SNTG1: variants seen among roughly 807,000 people sequenced by gnomAD.
The protein encoded by SNTG1 is syntrophin gamma 1, also known as gamma-1-syntrophin.
SNTG1 carries 39 observed loss-of-function variants against 74.7 expected under a neutral mutation model. That is an observed-to-expected ratio of 0.52 (90% CI 0.40 to 0.68). SNTG1 has a LOEUF of 0.68. Among genes scored for constraint, SNTG1 ranks in the 30% least tolerant of loss-of-function variants. SNTG1 has a pLI of 0.00. For synonymous variants in SNTG1, 254 were observed against 217.1 expected, an observed-to-expected ratio of 1.17 and a Z score of -1.49; for missense variants, 685 against 609.5, an observed-to-expected ratio of 1.12 and a Z score of -1.30.
intron 18 of SNTG1, among the ~76,000 whole-genome samples, chr8:50,788,100 G>C (rs549433325): frequency 1.3e-5 from 2 of 152,110 alleles, no homozygotes; most frequent in South Asian, 4.1e-4. Flanking sequence ...AAGTAAATCT[G>C]ACCATAATGG....
intron 9 of SNTG1, among the ~76,000 whole-genome samples, chr8:50,507,539 T>C (rs2094018175): frequency 9.2e-5 from 14 of 152,146 alleles, no homozygotes; most frequent in Admixed American, 9.2e-4. Flanking sequence ...TGTTTCTTCA[T>C]AATTGATTGT....
At chr8:50,555,589 A>G (rs2094451372) in intron 12 of SNTG1, among the ~76,000 whole-genome samples, 1 of 152,158 alleles carries the variant, frequency 6.6e-6, no homozygotes, top group Non-Finnish European at 1.5e-5. Context: ...ACCTTATGGA[A>G]AGATGTAGAC....
At chr8:50,036,283 C>T (rs770623361) in intron 1 of SNTG1, among the ~76,000 whole-genome samples, 26 of 152,196 alleles carry the variant, frequency 1.7e-4, no homozygotes, top group Non-Finnish European at 2.6e-4. Flanking sequence ...ACTATGACGT[C>T]TCTATGCAGC....
At chr8:50,434,550 G>A (rs2093279998) in intron 4 of SNTG1, among the ~76,000 whole-genome samples, 1 of 152,108 alleles carries the variant, frequency 6.6e-6, no homozygotes, top group Admixed American at 6.5e-5. Flanking sequence ...TCCAGCACCT[G>A]TTGTTTCCTG....
chr8:50,314,141 A>G lies in SNTG1; in HGVS notation c.-27-80071A>G, dbSNP rs79731984. 9.4e-3 allele frequency among the ~76,000 whole-genome samples: 1,404 copies of G among 149,768 alleles called. 144 individuals carry two copies. The highest frequency in any genetic ancestry group is 0.033 in the African/African-American group (1,330 of 40,186). On this transcript the variant is annotated intron_variant, in intron 2 of 18. Coordinates refer to ENST00000642720, the MANE Select transcript of SNTG1 (RefSeq NM_018967.5). ...TCCCCTCTAGGCCCCTTCAGTGGAC[A>G]GTTACTTATTAAAACTGAGGTGAGC... is the stretch of plus-strand genomic sequence containing the variant.
chr8:50,585,104 G>A (rs1440350690), intron 12 of SNTG1, among the ~76,000 whole-genome samples: 1 of 152,172 alleles, frequency 6.6e-6, no homozygotes, highest in Non-Finnish European at 1.5e-5. Flanking sequence ...AAGACCGTAT[G>A]CTTTGGCAGC....
At chr8:50,396,052 T>C (rs1411664323) in intron 3 of SNTG1, among the ~76,000 whole-genome samples, 1 of 152,232 alleles carries the variant, frequency 6.6e-6, no homozygotes, top group Non-Finnish European at 1.5e-5. Flanking sequence ...GAGCTTTTTG[T>C]AAACAAAATT....
chr8:50,397,332 AT>A (rs1274725020), intron 3 of SNTG1, among the ~76,000 whole-genome samples: 1 of 152,216 alleles, frequency 6.6e-6, no homozygotes, highest in Admixed American at 6.5e-5. Flanking sequence ...TTTGAGACCA[AT>A]AATTATGTAG....
chr8:50,070,763 T>C (rs577853737), intron 1 of SNTG1, among the ~76,000 whole-genome samples: 1 of 152,330 alleles, frequency 6.6e-6, no homozygotes, highest in South Asian at 2.1e-4. Flanking sequence ...TTTTATTTTA[T>C]CCAATCAATG....
chr8:50,316,914 T>C lies in SNTG1; in HGVS notation c.-27-77298T>C, dbSNP rs1342812602. Among the ~76,000 whole-genome samples the C allele has an allele frequency of 1.3e-5, 2 of 152,178 alleles. 1 individual carries two copies. The highest frequency in any genetic ancestry group is 1.3e-4 in the Admixed American group (2 of 15,282). On this transcript the variant is annotated intron_variant, in intron 2 of 18. Transcript: ENST00000642720. Reference sequence around the variant, plus strand: ...TGTTTAAAAAAATTTATAGAGATAGTACTTAATCTGCATTTTGAAGATAAA... The same window carrying C: ...TGTTTAAAAAAATTTATAGAGATAGCACTTAATCTGCATTTTGAAGATAAA...
chr8:50,314,943 T>C (rs1288436840), intron 2 of SNTG1, among the ~76,000 whole-genome samples: 4 of 149,542 alleles, frequency 2.7e-5, no homozygotes. Context: ...GTTACAGTTT[T>C]TACGCCCCTT....
intron 1 of SNTG1, among the ~76,000 whole-genome samples, chr8:49,992,244 T>A (rs906905514): frequency 6.6e-6 from 1 of 152,214 alleles, no homozygotes; most frequent in African/African-American, 2.4e-5. Flanking sequence ...TCAGAAATGG[T>A]ACCACGTTGT....
intron 1 of SNTG1, among the ~76,000 whole-genome samples, chr8:50,150,658 G>GT (rs2082035200): frequency 6.6e-6 from 1 of 152,084 alleles, no homozygotes; most frequent in African/African-American, 2.4e-5. Context: ...TAATCATGTG[G>GT]TTTTTGTCTT....
intron 1 of SNTG1, among the ~76,000 whole-genome samples, chr8:50,151,066 T>C (rs900721241): frequency 9.9e-5 from 15 of 152,214 alleles, no homozygotes; most frequent in African/African-American, 3.4e-4. Flanking sequence ...TGGTAGACTA[T>C]TAATTATTTC....
At position 50,792,908 on chromosome 8, in the gene SNTG1, A is replaced by G; in HGVS notation, c.*79A>G. 1 of 1,413,492 alleles carries G rather than the reference A, an allele frequency of 7.1e-7. No individual in the cohort carries two copies. Among genetic ancestry groups the G allele is most frequent in the Non-Finnish European group, 9.3e-7 (1 of 1,069,732 alleles). The allele number at this position is 1,413,492 out of a possible 1,614,324, so 87.6% of individuals were successfully genotyped here. On this transcript the variant is annotated 3_prime_UTR_variant, in exon 19 of 19. Transcript: ENST00000642720. The stretch of plus-strand genomic sequence containing the variant: ...ACTCATCATTTTAGACCCTAGAGAA[A>G]CCATAACATCACCAAGTCGACAGTG...
chr8:50,456,023 G>A lies in SNTG1; in HGVS notation c.363+5294G>A, dbSNP rs550967593. ...CTCAGTGCTCTGGGAAATGTTTAGC[G>A]CAAAGACAAAAGGCCAGAAATGCTG... On this transcript the variant is annotated intron_variant, in intron 8 of 18. Transcript: ENST00000642720. Among the ~76,000 whole-genome samples the A allele has an allele frequency of 1.5e-4, 23 of 152,224 alleles. No individual in the cohort carries two copies. The South Asian group carries it at 2.9e-3, about 19-fold the overall frequency.
intron 2 of SNTG1, among the ~76,000 whole-genome samples, chr8:50,197,834 A>G (rs2131823749): frequency 6.6e-6 from 1 of 151,312 alleles, no homozygotes; most frequent in East Asian, 1.9e-4. Context: ...TAAACCATCT[A>G]TTTTTCCCGT....
chr8:50,476,510 T>G (rs992670804), intron 8 of SNTG1, among the ~76,000 whole-genome samples: 7 of 152,134 alleles, frequency 4.6e-5, no homozygotes, highest in Admixed American at 1.3e-4. Flanking sequence ...TTCTCACTGT[T>G]GGAGTGGGAG....
intron 1 of SNTG1, among the ~76,000 whole-genome samples, chr8:50,078,050 TTTAA>T (rs1159029727): frequency 6.6e-6 from 1 of 152,300 alleles, no homozygotes; most frequent in African/African-American, 2.4e-5. Flanking sequence ...ACTTTCCCAA[TTTAA>T]TTGTCATGTC....
Sources: gnomAD v4.1 joint callset for allele counts (sites outside exome capture counted in the v4.1 genomes callset) on GRCh38, gnomAD v4.1.1 for gene constraint, MANE v1.5 for transcripts, NCBI Gene and HGNC (gene_info 2026-07-23, HGNC 2026-07-21) for gene names.